NAALADL2: variants seen among roughly 807,000 people sequenced by gnomAD.
NAALADL2 encodes N-acetylated alpha-linked acidic dipeptidase like 2, also known as inactive N-acetylated-alpha-linked acidic dipeptidase-like protein 2.
Under a neutral mutation model 87.2 loss-of-function variants are expected in NAALADL2, and 76 were observed. The observed-to-expected ratio is 0.87, with a 90% confidence interval of 0.72 to 1.05. The LOEUF (loss-of-function observed/expected upper bound fraction) is 1.05. Among genes scored for constraint, NAALADL2 ranks in the 50% least tolerant of loss-of-function variants. The pLI, the probability that NAALADL2 is intolerant of heterozygous loss-of-function variation, is 0.00. For synonymous variants in NAALADL2, 354 were observed against 331.0 expected (o/e 1.07, Z -0.75); for missense variants, 1,089 against 945.8 (o/e 1.15, Z -1.99).
At chr3:174,695,418 A>C (rs1435787259) in intron 2 of NAALADL2, among the ~76,000 whole-genome samples, 1 of 151,982 alleles carries the variant, frequency 6.6e-6, no homozygotes, top group Non-Finnish European at 1.5e-5. Flanking sequence ...ACATAAGATC[A>C]TTTTTGATAT....
chr3:174,866,843 A>G (rs1727209830), intron 1 of NAALADL2, among the ~76,000 whole-genome samples: 1 of 151,816 alleles, frequency 6.6e-6, no homozygotes, highest in Non-Finnish European at 1.5e-5. Context: ...TAATGTGTTT[A>G]TTCTTGACTC....
chr3:175,258,888 G>T (rs1284323172), intron 4 of NAALADL2, among the ~76,000 whole-genome samples: 2 of 152,166 alleles, frequency 1.3e-5, no homozygotes, highest in Non-Finnish European at 2.9e-5. Flanking sequence ...TGAGTAGGCA[G>T]CAGAAAAATA....
chr3:175,295,359 G>T (rs1756182165), intron 4 of NAALADL2, among the ~76,000 whole-genome samples: 1 of 152,000 alleles, frequency 6.6e-6, no homozygotes, highest in Admixed American at 6.6e-5. Context: ...GCTCAACCTG[G>T]CCAAACCTGA....
rs917304378 is a variant in NAALADL2, at chr3:175,097,577, T to C, written c.545+286T>C. On this transcript the variant is annotated intron_variant, in intron 2 of 13. Transcript: ENST00000454872. ...GTATTTTCTCCCTCTTGGTGAGCCT[T>C]GTTAGGCCAAATTGGGATGCAAAGA... Among the ~76,000 whole-genome samples, 5 of 152,132 alleles carry C rather than the reference T, an allele frequency of 3.3e-5. No individual in the cohort carries two copies. The East Asian group carries it at 9.6e-4, about 29-fold the overall frequency.
At chr3:175,640,306 A>G (rs1342195019) in intron 11 of NAALADL2, among the ~76,000 whole-genome samples, 1 of 152,152 alleles carries the variant, frequency 6.6e-6, no homozygotes, top group Non-Finnish European at 1.5e-5. Flanking sequence ...AGCATGAGAG[A>G]CAATGCCACT....
intron 9 of NAALADL2, among the ~76,000 whole-genome samples, chr3:175,482,390 A>T (rs6808978): frequency 0.6 from 91,202 of 151,426 alleles, 29,500 homozygotes; most frequent in East Asian, 0.89. Context: ...AGATGTAGAG[A>T]TTATTTCATC....
At chr3:175,260,000 C>A (rs574287218) in intron 4 of NAALADL2, among the ~76,000 whole-genome samples, 2 of 151,964 alleles carry the variant, frequency 1.3e-5, no homozygotes, top group African/African-American at 4.8e-5. Context: ...TGCACTCCAG[C>A]CTGGGTGACA....
In NAALADL2 at chr3:175,497,918, G is replaced by A. The variant is rs1036866006; in HGVS notation, c.1653+26160G>A. Among the ~76,000 whole-genome samples the A allele has an allele frequency of 3.9e-5, 6 of 152,070 alleles. No homozygotes were observed. The South Asian group carries it at 1.2e-3, about 32-fold the overall frequency. Reference sequence around the variant, plus strand: ...TATTGAAAATGCTTGAAAAGCACTTGATATAGTGCCTCTCTCAGAAAAACC... The same window carrying A: ...TATTGAAAATGCTTGAAAAGCACTTAATATAGTGCCTCTCTCAGAAAAACC... On this transcript the variant is annotated intron_variant, in intron 9 of 13. Transcript: ENST00000454872.
chr3:174,535,016 G>T (rs1259347032), intron 1 of NAALADL2, among the ~76,000 whole-genome samples: 1 of 152,140 alleles, frequency 6.6e-6, no homozygotes, highest in Non-Finnish European at 1.5e-5. Flanking sequence ...ATTTTAATAT[G>T]TAAGTTTGAG....
At chr3:174,790,697 T>C (rs780028177) in intron 3 of NAALADL2, among the ~76,000 whole-genome samples, 7 of 151,926 alleles carry the variant, frequency 4.6e-5, no homozygotes, top group Non-Finnish European at 1.0e-4. Flanking sequence ...TTGTGTCCTG[T>C]AGAAATTTAT....
At chr3:174,701,958 G>A (rs1358293222) in intron 2 of NAALADL2, among the ~76,000 whole-genome samples, 3 of 152,100 alleles carry the variant, frequency 2.0e-5, no homozygotes, top group African/African-American at 7.2e-5. Flanking sequence ...AAACACATAG[G>A]AATAGAATGG....
chr3:175,079,424 G>A (rs901654042), intron 1 of NAALADL2: 17 of 152,100 alleles, frequency 1.1e-4, no homozygotes, highest in Admixed American at 2.6e-4. Flanking sequence ...ATGTGTTTTT[G>A]TTGAAATCCA....
At chr3:174,572,059 G>A (rs1388554513) in intron 2 of NAALADL2, among the ~76,000 whole-genome samples, 1 of 152,082 alleles carries the variant, frequency 6.6e-6, no homozygotes, top group African/African-American at 2.4e-5. Context: ...AAATATTACA[G>A]GCCAAATTCA....
intron 1 of NAALADL2, among the ~76,000 whole-genome samples, chr3:174,951,806 G>C (rs896262600): frequency 1.3e-5 from 2 of 151,974 alleles, no homozygotes; most frequent in Admixed American, 1.3e-4. Context: ...CCCCCACTCT[G>C]TTCTTACTGC....
At chr3:175,177,690 A>T (rs1735880716) in intron 2 of NAALADL2, among the ~76,000 whole-genome samples, 1 of 152,090 alleles carries the variant, frequency 6.6e-6, no homozygotes, top group African/African-American at 2.4e-5. Context: ...CAAAAACCAT[A>T]ATAGGTCCTA....
intron 9 of NAALADL2, among the ~76,000 whole-genome samples, chr3:175,552,459 A>C (rs1023427894): frequency 6.6e-6 from 1 of 152,186 alleles, no homozygotes; most frequent in African/African-American, 2.4e-5. Context: ...CACTACTGCT[A>C]TTTTAAGATG....
chr3:175,296,121 C>G (rs1325200415), intron 4 of NAALADL2, among the ~76,000 whole-genome samples: 1 of 35,792 alleles, frequency 2.8e-5, no homozygotes, highest in Non-Finnish European at 1.1e-4. Flanking sequence ...AAGATATAGT[C>G]CATAACTAAC....
intron 2 of NAALADL2, among the ~76,000 whole-genome samples, chr3:175,214,822 A>G (rs187854146): frequency 3.3e-5 from 5 of 152,218 alleles, no homozygotes; most frequent in African/African-American, 7.2e-5. Context: ...AGCCCTAACC[A>G]TTAGGGTCTG....
chr3:175,216,360 C>G (rs1288280436), intron 2 of NAALADL2, among the ~76,000 whole-genome samples: 1 of 152,118 alleles, frequency 6.6e-6, no homozygotes. Context: ...TTACCTCAGA[C>G]TTAATGAGGC....
Sources: allele counts gnomAD v4.1 joint callset (sites outside exome capture counted in the v4.1 genomes callset), GRCh38; gene constraint gnomAD v4.1.1; transcripts MANE v1.5; gene names NCBI Gene and HGNC (gene_info 2026-07-23, HGNC 2026-07-21).